Variants in EFCAB12 observed in about 807,000 individuals in gnomAD.
EFCAB12 encodes EF-hand calcium-binding domain-containing protein 12.
In EFCAB12, 43 loss-of-function variants were observed where a neutral mutation model predicts 53.6. The observed-to-expected ratio is 0.80, with a 90% CI of 0.63 to 1.03. The LOEUF (loss-of-function observed/expected upper bound fraction) is 1.03, where lower values mean the gene tolerates loss of function less well. EFCAB12 is among the 50% of genes least tolerant of loss of function. EFCAB12 has a pLI of 0.00. For missense variants in EFCAB12, 646 were observed against 730.6 expected (o/e 0.88, Z 1.34); for synonymous variants, 269 against 289.2 (o/e 0.93, Z 0.71).
At chr3:129,421,836 C>T (rs1161709341) in intron 1 of EFCAB12, 33 bp from the exon 2 acceptor site, 2 of 1,570,428 alleles carry the variant, frequency 1.3e-6, no homozygotes, top group Non-Finnish European at 1.7e-6. Context: ...ATGAGTTTCT[C>T]TCTGGAAGAG....
At position 129,421,791 on chromosome 3, in the gene EFCAB12, G is replaced by C. The variant is rs79220425; in HGVS notation, c.62C>G (p.Ser21Cys). The C allele has an allele frequency of 5.2e-4, 844 of 1,612,136 alleles. 4 individuals are homozygous for C. In the African/African-American group the frequency reaches 0.01, roughly 19 times the overall value. Residue 21 changes from serine (S) to cysteine (C), a missense_variant, in exon 2 of 9, where the codon TCT becomes TGT. Transcript: ENST00000505956. ...AGCATTTTCATTGATGGGAGTCTTA[G>C]ACGGGCAGAGTCCTTGGGGTAAGAG... Reference protein sequence around the residue: ...LFLSLLGLCPSKTPINENAPV... With the variant: ...LFLSLLGLCPCKTPINENAPV...
intron 2 of EFCAB12, 193 bp from the exon 3 acceptor site, chr3:129,418,641 T>G: frequency 2.2e-6 from 1 of 451,320 alleles, no homozygotes. Context: ...CTCTGAGCCT[T>G]GGTTTTCTCA....
chr3:129,417,914 C>T (rs1044175115), intron 3 of EFCAB12, among the ~76,000 whole-genome samples: 6 of 152,208 alleles, frequency 3.9e-5, no homozygotes, highest in African/African-American at 1.4e-4. Flanking sequence ...AGACACTCTA[C>T]CAGCTTTCTC....
intron 1 of EFCAB12, among the ~76,000 whole-genome samples, chr3:129,426,993 G>A (rs1444170762): frequency 6.6e-5 from 10 of 151,478 alleles, no homozygotes; most frequent in African/African-American, 1.5e-4. Context: ...GACTACAGGC[G>A]CCTGCCACCA....
At chr3:129,418,200 T>TA (rs1416746371) in intron 3 of EFCAB12, 54 bp downstream of exon 3, 2 of 1,484,954 alleles carry the variant, frequency 1.3e-6, no homozygotes, top group Admixed American at 4.1e-5. Context: ...AAAGAGGGAG[T>TA]ACATGTACAT....
intron 2 of EFCAB12, among the ~76,000 whole-genome samples, chr3:129,418,887 T>A (rs2072154905): frequency 6.6e-6 from 1 of 152,108 alleles, no homozygotes; most frequent in Admixed American, 6.6e-5. Flanking sequence ...GTCCAAATCC[T>A]CCTTCTCCAA....
chr3:129,402,731 T>A, intron 7 of EFCAB12, 152 bp from the exon 8 acceptor site: 12 of 694,600 alleles, frequency 1.7e-5, no homozygotes, highest in Non-Finnish European at 2.6e-5. Context: ...GGGTGGACCC[T>A]GACTCTGTGC....
intron 1 of EFCAB12, among the ~76,000 whole-genome samples, chr3:129,426,985 C>T (rs2072280942): frequency 6.6e-6 from 1 of 150,954 alleles, no homozygotes; most frequent in African/African-American, 2.4e-5. Flanking sequence ...GTAGCTGTGA[C>T]TACAGGCGCC....
chr3:129,402,622 C>G, intron 7 of EFCAB12, 43 bp from the exon 8 acceptor site: 4 of 1,594,506 alleles, frequency 2.5e-6, no homozygotes, highest in Non-Finnish European at 3.4e-6. Context: ...GAGTGGAAAT[C>G]CAGGCCAATG....
Position 129,421,391 on chromosome 3 carries a change from G to A in EFCAB12, c.462C>T (p.Ser154=). Residue 154 remains serine (S), a synonymous_variant, in exon 2 of 9, where the codon TCC becomes TCT. Coordinates refer to ENST00000505956, the MANE Select transcript of EFCAB12 (RefSeq NM_207307.3). ...HEEQSAQPNA[S]QATTRTTRKK... ...CCCTGGTGGTCCTGGTAGTTGCCTG[G>A]GAGGCATTTGGCTGGGCACTCTGCT... The A allele has an allele frequency of 1.2e-6, 2 of 1,608,386 alleles. No homozygotes were observed. Among genetic ancestry groups the A allele is most frequent in the Non-Finnish European group, 8.5e-7 (1 of 1,175,378 alleles).
intron 3 of EFCAB12, among the ~76,000 whole-genome samples, chr3:129,416,002 C>G (rs1289920063): frequency 1.3e-5 from 2 of 152,224 alleles, no homozygotes; most frequent in East Asian, 3.8e-4. Context: ...GAACTTTACT[C>G]AAACTCCTGG....
chr3:129,420,567 C>A (rs561359297), intron 2 of EFCAB12, among the ~76,000 whole-genome samples: 4 of 152,296 alleles, frequency 2.6e-5, no homozygotes, highest in African/African-American at 7.2e-5. Flanking sequence ...ACCTCACAAT[C>A]GTCATCCTCA....
chr3:129,412,218 T>A (rs76359429), intron 4 of EFCAB12: 9,715 of 151,958 alleles, frequency 0.064, 944 homozygotes, highest in East Asian at 0.44. Flanking sequence ...CCCCCAAAAA[T>A]ATATATACAC....
intron 1 of EFCAB12, among the ~76,000 whole-genome samples, chr3:129,426,366 T>TG (rs1553720169): frequency 2.0e-4 from 26 of 133,208 alleles, no homozygotes; most frequent in East Asian, 5.7e-4. Context: ...TTTGTTTTTT[T>TG]TTTTTTTTTT....
At position 129,418,310 on chromosome 3, in the gene EFCAB12, C is replaced by G. The variant is rs757576201; in HGVS notation, c.625G>C (p.Gly209Arg). The part of the protein sequence containing the change: ...IKILEIFHKV[G>R]QGENQRITRE... ...GTGATTCTCTGGTTCTCACCCTGGCCCACCTTGTGAAATATCTCCAGGATC... is the reference window on the plus strand; with the variant it reads ...GTGATTCTCTGGTTCTCACCCTGGCGCACCTTGTGAAATATCTCCAGGATC... Residue 209 changes from glycine to arginine, a missense_variant, in exon 3 of 9, where the codon GGC (glycine) becomes CGC (arginine). Physicochemically the swap from Gly to Arg is moderately radical, Grantham distance 125. Coordinates refer to ENST00000505956, the MANE Select transcript of EFCAB12 (RefSeq NM_207307.3). 1.9e-6 allele frequency: 3 copies of G among 1,613,456 alleles called. No individual in the cohort carries two copies. In the East Asian group the frequency reaches 6.7e-5, roughly 36 times the overall value.
intron 1 of EFCAB12, among the ~76,000 whole-genome samples, chr3:129,423,242 T>TA (rs2072211624): frequency 6.6e-6 from 1 of 152,208 alleles, no homozygotes; most frequent in African/African-American, 2.4e-5. Flanking sequence ...GTCTCAAGTA[T>TA]TTTACTTCTG....
chr3:129,421,350 C>G lies in EFCAB12; in HGVS notation c.486+17G>C, dbSNP rs780502219. The stretch of plus-strand genomic sequence containing the variant: ...CTAAACCCTTGGTGTCTTCATCTGG[C>G]AAATGGGGCTGCTCACCCTGGTGGT... On this transcript the variant is annotated intron_variant, in intron 2 of 8. Coordinates refer to ENST00000505956, the MANE Select transcript of EFCAB12 (RefSeq NM_207307.3). The G allele has an allele frequency of 1.3e-6, 2 of 1,588,634 alleles. No homozygotes were observed. Among genetic ancestry groups the G allele is most frequent in the South Asian group, 2.3e-5 (2 of 88,400 alleles).
intron 1 of EFCAB12, 62 bp downstream of exon 1, chr3:129,428,378 C>CACCT: frequency 6.4e-7 from 1 of 1,559,892 alleles, no homozygotes; most frequent in Admixed American, 1.9e-5. Context: ...TGCCCTCACC[C>CACCT]CACTTTCACG....
At chr3:129,403,814 G>A (rs1430596420) in intron 7 of EFCAB12, 2 of 153,914 alleles carry the variant, frequency 1.3e-5, no homozygotes, top group Non-Finnish European at 2.9e-5. Flanking sequence ...ATCCTCCTAT[G>A]AGCTGCAAGC....
Sources: allele counts gnomAD v4.1 joint callset (sites outside exome capture counted in the v4.1 genomes callset), GRCh38; gene constraint gnomAD v4.1.1; transcripts MANE v1.5; gene names NCBI Gene and HGNC (gene_info 2026-07-23, HGNC 2026-07-21).